Variants in PPARGC1A observed in about 807,000 individuals in gnomAD.
The protein encoded by PPARGC1A is peroxisome proliferator-activated receptor gamma coactivator 1-alpha.
A neutral mutation model predicts 88.7 loss-of-function variants in PPARGC1A; 25 were observed. That is an observed-to-expected ratio of 0.28 (90% CI 0.21 to 0.39). The LOEUF (loss-of-function observed/expected upper bound fraction) is 0.39. Among genes scored for constraint, PPARGC1A ranks in the 10% least tolerant of loss-of-function variants. PPARGC1A has a pLI of 1.00. For synonymous variants in PPARGC1A, 363 were observed against 355.6 expected, an observed-to-expected ratio of 1.02 and a Z score of -0.24; for missense variants, 880 against 968.7, an observed-to-expected ratio of 0.91 and a Z score of 1.22.
chr4:24,192,931 A>C, the PPARGC1A span, among the ~76,000 whole-genome samples: 8 of 152,262 alleles, frequency 5.3e-5, no homozygotes, highest in Non-Finnish European at 8.8e-5. Context: ...ATCTATTATC[A>C]TTCAATATAA....
At chr4:24,292,134 C>T in the PPARGC1A span, among the ~76,000 whole-genome samples, 1 of 152,114 alleles carries the variant, frequency 6.6e-6, no homozygotes, top group Non-Finnish European at 1.5e-5. Flanking sequence ...TAAGACTCGC[C>T]TCCGCCACGG....
At chr4:24,120,090 T>C in the PPARGC1A span, among the ~76,000 whole-genome samples, 1 of 152,200 alleles carries the variant, frequency 6.6e-6, no homozygotes, top group East Asian at 1.9e-4. Flanking sequence ...ATTGCATATT[T>C]GGTCTTATGT....
At chr4:24,008,499 T>C in the PPARGC1A span, among the ~76,000 whole-genome samples, 7 of 152,306 alleles carry the variant, frequency 4.6e-5, no homozygotes, top group African/African-American at 1.4e-4. Flanking sequence ...AAAAATGCTA[T>C]ATGTTCTTAG....
At chr4:23,880,915 A>G (rs535415749) in intron 2 of PPARGC1A, 1 of 152,302 alleles carries the variant, frequency 6.6e-6, no homozygotes, top group South Asian at 2.1e-4. Flanking sequence ...ACGAACCCCA[A>G]GTAGCTTCAT....
At chr4:24,189,575 A>C in the PPARGC1A span, among the ~76,000 whole-genome samples, 1 of 151,778 alleles carries the variant, frequency 6.6e-6, no homozygotes, top group Admixed American at 6.6e-5. Flanking sequence ...TTCCCTAATC[A>C]CCTCTACTAC....
At chr4:24,387,617 G>C in the PPARGC1A span, among the ~76,000 whole-genome samples, 2 of 151,716 alleles carry the variant, frequency 1.3e-5, no homozygotes, top group South Asian at 4.2e-4. Flanking sequence ...CATGCTGGTA[G>C]GCCCAGCTAC....
At chr4:24,052,561 C>T in the PPARGC1A span, among the ~76,000 whole-genome samples, 7 of 150,932 alleles carry the variant, frequency 4.6e-5, no homozygotes, top group South Asian at 2.1e-4. Flanking sequence ...CACTTGAACC[C>T]GGGAGGCAGA....
At chr4:24,080,664 T>G in the PPARGC1A span, among the ~76,000 whole-genome samples, 4 of 152,116 alleles carry the variant, frequency 2.6e-5, no homozygotes, top group African/African-American at 9.7e-5. Context: ...GCCAGTCACT[T>G]TGCCAAGGGA....
the PPARGC1A span, among the ~76,000 whole-genome samples, chr4:24,112,513 G>C: frequency 6.6e-6 from 1 of 152,140 alleles, no homozygotes; most frequent in Non-Finnish European, 1.5e-5. Context: ...TGGCAAGTAG[G>C]CCATTTGTAG....
chr4:24,136,630 T>C, the PPARGC1A span, among the ~76,000 whole-genome samples: 3 of 152,056 alleles, frequency 2.0e-5, no homozygotes, highest in Non-Finnish European at 2.9e-5. Flanking sequence ...ACATCTTGGC[T>C]CTCCCTCGCT....
At chr4:24,126,950 T>C in the PPARGC1A span, among the ~76,000 whole-genome samples, 3 of 152,128 alleles carry the variant, frequency 2.0e-5, no homozygotes, top group Non-Finnish European at 4.4e-5. Context: ...TTATCCAGCT[T>C]CCATTTGTAA....
At chr4:24,434,240 GC>G in the PPARGC1A span, among the ~76,000 whole-genome samples, 1 of 152,184 alleles carries the variant, frequency 6.6e-6, no homozygotes, top group African/African-American at 2.4e-5. Flanking sequence ...CAGTGATGAG[GC>G]CCCCTCAGGA....
the PPARGC1A span, among the ~76,000 whole-genome samples, chr4:24,063,348 G>C: frequency 4.5e-4 from 68 of 152,166 alleles, 2 homozygotes; most frequent in East Asian, 0.012. Flanking sequence ...GCCTTTCTCC[G>C]GTGTGTTCAG....
the PPARGC1A span, among the ~76,000 whole-genome samples, chr4:24,369,152 A>G: frequency 6.6e-6 from 1 of 152,194 alleles, no homozygotes; most frequent in African/African-American, 2.4e-5. Flanking sequence ...AGACTGGAAG[A>G]GCAGGGTGAG....
chr4:23,796,061 TTGGATATATA>T (rs1186424358), intron 12 of PPARGC1A, 136 bp from the exon 13 acceptor site: 31 of 694,100 alleles, frequency 4.5e-5, no homozygotes, highest in Non-Finnish European at 7.4e-5. Context: ...TCAGATTTTA[TTGGATATATA>T]TGGATATATA....
At chr4:24,113,221 A>G in the PPARGC1A span, among the ~76,000 whole-genome samples, 1 of 152,166 alleles carries the variant, frequency 6.6e-6, no homozygotes, top group African/African-American at 2.4e-5. Flanking sequence ...TGTACCCAGC[A>G]AGTGGCAGCC....
At chr4:24,043,591 G>C in the PPARGC1A span, among the ~76,000 whole-genome samples, 1 of 151,926 alleles carries the variant, frequency 6.6e-6, no homozygotes, top group Non-Finnish European at 1.5e-5. Flanking sequence ...CTCATCGATC[G>C]CATGTTATGA....
the PPARGC1A span, among the ~76,000 whole-genome samples, chr4:24,231,248 C>A: frequency 1.3e-5 from 2 of 152,172 alleles, no homozygotes; most frequent in African/African-American, 4.8e-5. Context: ...ATGGACTATG[C>A]TGCTAAAATG....
At chr4:23,835,255 G>A (rs1414257217) in intron 2 of PPARGC1A, among the ~76,000 whole-genome samples, 3 of 152,108 alleles carry the variant, frequency 2.0e-5, no homozygotes, top group Admixed American at 1.3e-4. Flanking sequence ...AAGTTAAAAC[G>A]ACAAAGAACA....
Sources: allele counts gnomAD v4.1 joint callset (sites outside exome capture counted in the v4.1 genomes callset), GRCh38; gene constraint gnomAD v4.1.1; transcripts MANE v1.5; gene names NCBI Gene and HGNC (gene_info 2026-07-23, HGNC 2026-07-21).